Variants in NELL1 observed in about 807,000 individuals in gnomAD.
NELL1 encodes neural EGFL like 1, also known as protein kinase C-binding protein NELL1.
A neutral mutation model predicts 107.4 loss-of-function variants in NELL1; 76 were observed. The observed-to-expected ratio is 0.71, with a 90% confidence interval of 0.59 to 0.86. The LOEUF is 0.86. NELL1 is among the 40% of genes least tolerant of loss of function. NELL1 has a pLI of 0.00. For missense variants in NELL1, 1,024 were observed against 1,005.5 expected (o/e 1.02, Z -0.25); for synonymous variants, 353 against 341.2 (o/e 1.03, Z -0.38).
At chr11:21,254,632 A>G (rs943561444) in intron 14 of NELL1, among the ~76,000 whole-genome samples, 3 of 152,112 alleles carry the variant, frequency 2.0e-5, no homozygotes, top group Non-Finnish European at 4.4e-5. Context: ...ATTTTCAAAA[A>G]TCTCTGGCCA....
rs1857140000 is a variant in NELL1, at chr11:21,573,052, CT to C, written c.2158-130del. 3.0e-5 allele frequency: 21 copies of C among 694,992 alleles called. No individual in the cohort carries two copies. In the South Asian group the frequency reaches 3.7e-4, roughly 12 times the overall value. The allele number at this position is 694,992 out of a possible 1,614,324, so 43.1% of individuals were successfully genotyped here. A position where few individuals can be genotyped will look rare whatever the true frequency, so the allele number is the denominator to read the frequency against. On this transcript the variant is annotated intron_variant, in intron 18 of 19. Coordinates refer to ENST00000357134, the MANE Select transcript of NELL1 (RefSeq NM_006157.5). ...AGTAGGTCTTCAAGGAGGAAGTGTA[CT>C]TTATCCTCAATGGTGTCAACTAGAA... is the stretch of plus-strand genomic sequence containing the variant.
intron 13 of NELL1, among the ~76,000 whole-genome samples, chr11:21,156,588 T>C (rs1267496850): frequency 6.6e-6 from 1 of 152,134 alleles, no homozygotes; most frequent in East Asian, 1.9e-4. Context: ...GGATTGAAGA[T>C]TCCTGATGTG....
intron 15 of NELL1, among the ~76,000 whole-genome samples, chr11:21,520,392 G>C (rs1472124664): frequency 5.9e-5 from 9 of 152,082 alleles, no homozygotes; most frequent in African/African-American, 1.9e-4. Context: ...GATGAATGCG[G>C]CTCAAATCCT....
intron 15 of NELL1, among the ~76,000 whole-genome samples, chr11:21,496,379 C>G (rs1854979043): frequency 6.8e-6 from 1 of 147,794 alleles, no homozygotes; most frequent in South Asian, 2.2e-4. Context: ...TCAATAGGTA[C>G]AATTTAAACA....
rs184368458 is a variant in NELL1 at position 21,256,348 on chromosome 11, C to T, written c.1549+26894C>T. On this transcript the variant is annotated intron_variant, in intron 14 of 19. Coordinates refer to ENST00000357134, the MANE Select transcript of NELL1 (RefSeq NM_006157.5). Reference sequence around the variant, plus strand: ...GCTACATTTAGTGGATTTATTTCTGCACTGTGTAGTTAACAGAACTGAAGA... The same window carrying T: ...GCTACATTTAGTGGATTTATTTCTGTACTGTGTAGTTAACAGAACTGAAGA... Among the ~76,000 whole-genome samples, 187 of 152,122 alleles carry T rather than the reference C, an allele frequency of 1.2e-3. 1 individual carries two copies. The highest frequency in any genetic ancestry group is 0.01 in the Middle Eastern group (3 of 294).
At chr11:20,914,653 C>T (rs1850205551) in intron 5 of NELL1, among the ~76,000 whole-genome samples, 2 of 152,010 alleles carry the variant, frequency 1.3e-5, no homozygotes, top group Admixed American at 6.6e-5. Context: ...CTCTGGAATG[C>T]CCTTGGCGGA....
chr11:20,791,279 A>G (rs528631893), intron 3 of NELL1, among the ~76,000 whole-genome samples: 8 of 152,288 alleles, frequency 5.3e-5, no homozygotes, highest in African/African-American at 1.9e-4. Flanking sequence ...TGTTTTCAAA[A>G]TCTAAGATTT....
intron 1 of NELL1, chr11:20,674,532 T>C (rs1854002780): frequency 6.5e-7 from 1 of 1,535,820 alleles, no homozygotes; most frequent in Non-Finnish European, 8.7e-7. Flanking sequence ...TATGGAGAAC[T>C]AGAGTTCTGA....
intron 13 of NELL1, among the ~76,000 whole-genome samples, chr11:21,147,462 C>A (rs1420864672): frequency 6.6e-6 from 1 of 152,114 alleles, no homozygotes; most frequent in African/African-American, 2.4e-5. Context: ...TTCGAAGACA[C>A]AAGCTGGGGC....
Position 20,825,084 on chromosome 11 carries a change from A to G in NELL1, c.336-22499A>G, listed in dbSNP as rs531757349. 1.1e-4 allele frequency among the ~76,000 whole-genome samples: 17 copies of G among 151,410 alleles called. No homozygotes were observed. The South Asian group carries it at 3.3e-3, about 30-fold the overall frequency. ...CAAGCCCCAAGTCTTGGCAGACTTTATGTGGTGTTGGGCCTGTAGGTCCAC... is the reference window on the plus strand; with the variant it reads ...CAAGCCCCAAGTCTTGGCAGACTTTGTGTGGTGTTGGGCCTGTAGGTCCAC... On this transcript the variant is annotated intron_variant, in intron 3 of 19. Transcript: ENST00000357134.
chr11:21,424,988 A>G (rs1852783926), intron 15 of NELL1, among the ~76,000 whole-genome samples: 2 of 152,192 alleles, frequency 1.3e-5, no homozygotes, highest in African/African-American at 4.8e-5. Context: ...TTACAAGACA[A>G]CTACAAACCA....
chr11:21,157,403 T>C (rs1165902073), intron 13 of NELL1, among the ~76,000 whole-genome samples: 1 of 152,186 alleles, frequency 6.6e-6, no homozygotes, highest in African/African-American at 2.4e-5. Context: ...AAGCATTGTG[T>C]ATGAAAGCAA....
At position 20,669,876 on chromosome 11, in the gene NELL1, T is replaced by TG. The variant is rs2133840120; in HGVS notation, c.55+102dup. 1 of 1,018,000 alleles carries TG rather than the reference T, an allele frequency of 9.8e-7. No individual in the cohort carries two copies. Among genetic ancestry groups the TG allele is most frequent in the African/African-American group, 1.6e-5 (1 of 63,196 alleles). 63.1% of individuals were successfully genotyped at this position (1,018,000 alleles called of 1,614,324 possible). On this transcript the variant is annotated intron_variant, in intron 1 of 19. Coordinates refer to ENST00000357134, the MANE Select transcript of NELL1 (RefSeq NM_006157.5). This position sits in a 1 kb window ranked among gnomAD's most constrained non-coding sequence, Gnocchi z 4.4. The stretch of plus-strand genomic sequence containing the variant: ...CCTGGAGCCGAGCTTTGCGCTGGTC[T>TG]GGGGAACGGCGGTAGCGTGGACCGG...
At chr11:21,031,484 ACTT>A (rs1852954291) in intron 12 of NELL1, among the ~76,000 whole-genome samples, 1 of 152,224 alleles carries the variant, frequency 6.6e-6, no homozygotes, top group African/African-American at 2.4e-5. Context: ...ACATTCTGAT[ACTT>A]CTTAGTTGTG....
chr11:21,344,559 A>C (rs17233193), intron 14 of NELL1, among the ~76,000 whole-genome samples: 10,285 of 152,082 alleles, frequency 0.068, 485 homozygotes, highest in African/African-American at 0.13. Flanking sequence ...CTGTATGTGC[A>C]TAACATAAAA....
intron 14 of NELL1, among the ~76,000 whole-genome samples, chr11:21,336,684 C>CACACACAT (rs1850409805): frequency 6.7e-6 from 1 of 149,920 alleles, no homozygotes; most frequent in Non-Finnish European, 1.5e-5. Context: ...TACACACACA[C>CACACACAT]ACACACATTA....
chr11:21,397,391 A>G (rs1852005393), intron 15 of NELL1, among the ~76,000 whole-genome samples: 1 of 151,644 alleles, frequency 6.6e-6, no homozygotes, highest in South Asian at 2.1e-4. Flanking sequence ...ATTGTAAAAA[A>G]TGGGAAAATA....
intron 16 of NELL1, among the ~76,000 whole-genome samples, chr11:21,547,459 G>A (rs1292334277): frequency 6.6e-6 from 1 of 151,910 alleles, no homozygotes; most frequent in African/African-American, 2.4e-5. Flanking sequence ...GTGAAGGGTA[G>A]TGTGTTCTAA....
At chr11:20,841,382 G>A (rs905151230) in intron 3 of NELL1, among the ~76,000 whole-genome samples, 3 of 151,220 alleles carry the variant, frequency 2.0e-5, no homozygotes, top group Admixed American at 6.6e-5. Context: ...AAGGGAACTG[G>A]GGAATATATT....
Sources: allele counts gnomAD v4.1 joint callset (sites outside exome capture counted in the v4.1 genomes callset), GRCh38; gene constraint gnomAD v4.1.1; non-coding constraint Gnocchi (gnomAD v3.1); transcripts MANE v1.5; gene names NCBI Gene and HGNC (gene_info 2026-07-23, HGNC 2026-07-21).